CCDC85A: variants seen among roughly 807,000 people sequenced by gnomAD.
CCDC85A encodes coiled-coil domain-containing protein 85A.
A neutral mutation model predicts 50.2 loss-of-function variants in CCDC85A; 38 were observed. The ratio of observed to expected loss-of-function variants is 0.76; its 90% CI spans 0.58 to 0.99. CCDC85A has a LOEUF of 0.99. Ranked by LOEUF, CCDC85A falls within the 50% of genes least tolerant of loss-of-function variation. The pLI, the probability that CCDC85A is intolerant of heterozygous loss-of-function variation, is 0.00. For missense variants in CCDC85A, 820 were observed against 742.0 expected (o/e 1.11, Z -1.22); for synonymous variants, 366 against 301.4 (o/e 1.21, Z -2.22).
At chr2:56,337,143 G>A (rs1674113844) in intron 2 of CCDC85A, among the ~76,000 whole-genome samples, 1 of 152,180 alleles carries the variant, frequency 6.6e-6, no homozygotes, top group Admixed American at 6.5e-5. Context: ...GAATTTAGAA[G>A]ATGCGGAATT....
chr2:56,361,954 G>A lies in CCDC85A; in HGVS notation c.1318-10390G>A, dbSNP rs116732878. Among the ~76,000 whole-genome samples the A allele has an allele frequency of 8.7e-3, 1,327 of 152,290 alleles. 9 individuals carry two copies. The highest frequency in any genetic ancestry group is 0.014 in the Non-Finnish European group (943 of 68,014). On this transcript the variant is annotated intron_variant, in intron 3 of 5. Transcript: ENST00000407595. ...GCTTGGTAGTCTAAGAGAGCTGAGA[G>A]TGGCTTGAACTAAGTGGTAGGGTGG...
At chr2:56,266,616 C>T (rs78508564) in intron 2 of CCDC85A, among the ~76,000 whole-genome samples, 3 of 118,208 alleles carry the variant, frequency 2.5e-5, no homozygotes, top group Admixed American at 1.2e-4. Flanking sequence ...CAAAAAAGAT[C>T]CATTGTGATT....
chr2:56,373,162 G>T (rs1676167362), intron 4 of CCDC85A, among the ~76,000 whole-genome samples: 1 of 152,074 alleles, frequency 6.6e-6, no homozygotes, highest in African/African-American at 2.4e-5. Context: ...ACATCTGTTG[G>T]AAGTAAACTT....
At chr2:56,365,684 T>G (rs1248423465) in intron 3 of CCDC85A, among the ~76,000 whole-genome samples, 1 of 152,222 alleles carries the variant, frequency 6.6e-6, no homozygotes, top group African/African-American at 2.4e-5. Flanking sequence ...AACATGATGT[T>G]TTAAAGTATT....
Position 56,266,773 on chromosome 2 carries a change from C to T in CCDC85A, c.1240+73333C>T, listed in dbSNP as rs376800797. Among the ~76,000 whole-genome samples, 23 of 152,184 alleles carry T rather than the reference C, an allele frequency of 1.5e-4. 1 individual carries two copies. Among genetic ancestry groups the T allele is most frequent in the African/African-American group, 5.5e-4 (23 of 41,518 alleles). On this transcript the variant is annotated intron_variant, in intron 2 of 5. Coordinates refer to ENST00000407595, the MANE Select transcript of CCDC85A (RefSeq NM_001080433.2). ...CTGTCCCTTTGCCTCCCTGTGGCGT[C>T]TATTGTTGCCTACTTATAGATCTGA...
At chr2:56,377,747 G>T (rs1016549054) in intron 5 of CCDC85A, among the ~76,000 whole-genome samples, 2 of 152,076 alleles carry the variant, frequency 1.3e-5, no homozygotes, top group African/African-American at 4.8e-5. Context: ...ATTCAGCAGG[G>T]TGTGGTGGCA....
At chr2:56,273,227 A>G (rs559499457) in intron 2 of CCDC85A, among the ~76,000 whole-genome samples, 1 of 152,296 alleles carries the variant, frequency 6.6e-6, no homozygotes, top group South Asian at 2.1e-4. Flanking sequence ...TTCGGATCTA[A>G]TATGAATTCT....
At chr2:56,266,835 A>G (rs923470726) in intron 2 of CCDC85A, among the ~76,000 whole-genome samples, 2 of 152,158 alleles carry the variant, frequency 1.3e-5, no homozygotes, top group Non-Finnish European at 2.9e-5. Flanking sequence ...AAGGAATAGT[A>G]TCAAGTTGTT....
intron 2 of CCDC85A, among the ~76,000 whole-genome samples, chr2:56,335,203 C>A (rs1558646811): frequency 1.3e-5 from 2 of 151,894 alleles, no homozygotes; most frequent in African/African-American, 4.8e-5. Context: ...CCTTTGCTTG[C>A]CTGAAGAAGA....
intron 2 of CCDC85A, among the ~76,000 whole-genome samples, chr2:56,288,371 G>A (rs214039): frequency 7.9e-4 from 120 of 151,690 alleles, no homozygotes; most frequent in Non-Finnish European, 1.3e-3. Flanking sequence ...GCAGAAAACC[G>A]GGAATGAATT....
At chr2:56,355,441 C>G (rs555670968) in intron 3 of CCDC85A, among the ~76,000 whole-genome samples, 1 of 152,272 alleles carries the variant, frequency 6.6e-6, no homozygotes, top group Admixed American at 6.5e-5. Context: ...TCTTTGTCCT[C>G]AAACTTCATA....
chr2:56,207,176 T>A (rs1247542975), intron 2 of CCDC85A, among the ~76,000 whole-genome samples: 3 of 152,228 alleles, frequency 2.0e-5, no homozygotes, highest in African/African-American at 7.2e-5. Context: ...TTTAGTATTT[T>A]GACCTCATTT....
At chr2:56,244,177 C>G (rs1669396208) in intron 2 of CCDC85A, among the ~76,000 whole-genome samples, 1 of 152,134 alleles carries the variant, frequency 6.6e-6, no homozygotes, top group East Asian at 1.9e-4. Context: ...CCCTTGGGCT[C>G]TAGGCAGGTT....
At chr2:56,356,757 T>G (rs1193946723) in intron 3 of CCDC85A, among the ~76,000 whole-genome samples, 1 of 146,470 alleles carries the variant, frequency 6.8e-6, no homozygotes, top group Non-Finnish European at 1.5e-5. Context: ...AGAAAAGGAC[T>G]TCGGAGAGGT....
At chr2:56,275,256 G>T (rs1306376074) in intron 2 of CCDC85A, among the ~76,000 whole-genome samples, 1 of 152,132 alleles carries the variant, frequency 6.6e-6, no homozygotes, top group African/African-American at 2.4e-5. Flanking sequence ...CAGCTACATG[G>T]CAGCATGAAT....
At chr2:56,342,654 G>T (rs1339101245) in intron 2 of CCDC85A, among the ~76,000 whole-genome samples, 1 of 152,092 alleles carries the variant, frequency 6.6e-6, no homozygotes, top group Non-Finnish European at 1.5e-5. Context: ...AAATATGCCA[G>T]TCTGTGTCTT....
At chr2:56,265,795 A>G (rs947140124) in intron 2 of CCDC85A, among the ~76,000 whole-genome samples, 2 of 146,422 alleles carry the variant, frequency 1.4e-5, no homozygotes, top group African/African-American at 5.0e-5. Context: ...ACTACTGGGT[A>G]TATATCCAAA....
intron 2 of CCDC85A, among the ~76,000 whole-genome samples, chr2:56,309,406 A>G (rs534502582): frequency 1.3e-5 from 2 of 152,276 alleles, no homozygotes; most frequent in South Asian, 4.1e-4. Context: ...CACAGACCCT[A>G]GTTGGCATTA....
chr2:56,383,676 CTG>C, intron 5 of CCDC85A: 4 of 985,068 alleles, frequency 4.1e-6, no homozygotes, highest in Non-Finnish European at 4.8e-6. Flanking sequence ...TGACCCCACT[CTG>C]TAGAAAAAGC....
Sources: gnomAD v4.1 joint callset for allele counts (sites outside exome capture counted in the v4.1 genomes callset) on GRCh38, gnomAD v4.1.1 for gene constraint, MANE v1.5 for transcripts, NCBI Gene and HGNC (gene_info 2026-07-23, HGNC 2026-07-21) for gene names.